The following VIPAS39 variants were observed in gnomAD, a reference collection of about 807,000 sequenced individuals.
VIPAS39 encodes the protein VPS33B interacting protein, apical-basolateral polarity regulator, spe-39 homolog, also known as spermatogenesis-defective protein 39 homolog.
A neutral mutation model predicts 84.7 loss-of-function variants in VIPAS39; 63 were observed. The observed-to-expected ratio is 0.74, with a 90% CI of 0.61 to 0.92. The LOEUF is 0.92. Among genes scored for constraint, VIPAS39 ranks in the 40% least tolerant of loss-of-function variants. The pLI, the probability that VIPAS39 is intolerant of heterozygous loss-of-function variation, is 0.00. For missense variants in VIPAS39, 499 were observed against 604.5 expected, an observed-to-expected ratio of 0.83 and a Z score of 1.83; for synonymous variants, 192 against 216.5, an observed-to-expected ratio of 0.89 and a Z score of 0.99.
At chr14:77,442,692 A>C in intron 9 of VIPAS39, 30 bp from the exon 10 acceptor site, 1 of 1,600,552 alleles carries the variant, frequency 6.2e-7, no homozygotes, top group Non-Finnish European at 8.6e-7. Context: ...TAAGTTGAGA[A>C]AGATTAAAGC....
intron 16 of VIPAS39, 118 bp from the exon 17 acceptor site, chr14:77,429,885 G>A: frequency 1.1e-6 from 1 of 874,106 alleles, no homozygotes; most frequent in Admixed American, 1.7e-5. Context: ...GGTGCTGAGG[G>A]ATACAGAAAT....
intron 3 of VIPAS39, among the ~76,000 whole-genome samples, chr14:77,451,737 A>G (rs1230793254): frequency 6.6e-6 from 1 of 152,152 alleles, no homozygotes; most frequent in Non-Finnish European, 1.5e-5. Context: ...AGAGGCACAC[A>G]CCACCTGCCC....
At chr14:77,436,745 A>G (rs554503344) in intron 12 of VIPAS39, among the ~76,000 whole-genome samples, 6 of 152,236 alleles carry the variant, frequency 3.9e-5, no homozygotes, top group Non-Finnish European at 5.9e-5. Flanking sequence ...GCCCGGCCAC[A>G]TTATTGTTAT....
At position 77,427,450 on chromosome 14, in the gene VIPAS39, G is replaced by C. The variant is rs2078446985; in HGVS notation, c.*166C>G. ...TCTCGATCCTCAGATGATGTTCCTTGGACAGAAGATCAGTCTGAAGTTATC... is the reference window on the plus strand; with the variant it reads ...TCTCGATCCTCAGATGATGTTCCTTCGACAGAAGATCAGTCTGAAGTTATC... On this transcript the variant is annotated 3_prime_UTR_variant, in exon 20 of 20. Transcript: ENST00000557658. The C allele has an allele frequency of 5.4e-6, 4 of 746,996 alleles. No individual in the cohort carries two copies. Among genetic ancestry groups the C allele is most frequent in the African/African-American group, 1.8e-5 (1 of 57,104 alleles). 46.3% of individuals were successfully genotyped at this position (746,996 alleles called of 1,614,324 possible). A position where few individuals can be genotyped will look rare whatever the true frequency, so the allele number is the denominator to read the frequency against.
intron 7 of VIPAS39, 53 bp downstream of exon 7, chr14:77,448,441 T>C: frequency 1.3e-6 from 2 of 1,549,742 alleles, no homozygotes. Context: ...CTTCCCTGTG[T>C]GAACAAGCTG....
In VIPAS39 at chr14:77,448,593, C is replaced by T. The variant is rs376475220; in HGVS notation, c.448-43G>A. 36 of 1,601,580 alleles carry T rather than the reference C, an allele frequency of 2.2e-5. No individual in the cohort carries two copies. In the African/African-American group the frequency reaches 4.7e-4, roughly 21 times the overall value. The stretch of plus-strand genomic sequence containing the variant: ...CGTGAATCCCAGGAAGTTAAGGAAT[C>T]AAATTTATCAGCATACCCGCTCCTC... On this transcript the variant is annotated intron_variant, in intron 6 of 19. Transcript: ENST00000557658.
At chr14:77,456,165 G>C (rs759377402) in intron 1 of VIPAS39, among the ~76,000 whole-genome samples, 1 of 151,992 alleles carries the variant, frequency 6.6e-6, no homozygotes. Flanking sequence ...TGGTTTTCCC[G>C]TCTGTTAAAT....
At chr14:77,451,501 C>G (rs1474335520) in intron 3 of VIPAS39, among the ~76,000 whole-genome samples, 168 bp from the exon 4 acceptor site, 1 of 152,162 alleles carries the variant, frequency 6.6e-6, no homozygotes, top group East Asian at 1.9e-4. Context: ...AAAAATGGAC[C>G]AAGGACATGA....
chr14:77,429,855 TA>T, intron 16 of VIPAS39, 88 bp from the exon 17 acceptor site: 1 of 1,188,172 alleles, frequency 8.4e-7, no homozygotes, highest in Non-Finnish European at 1.3e-6. Flanking sequence ...CAGACCAGAA[TA>T]ATGTGGTGGG....
intron 7 of VIPAS39, among the ~76,000 whole-genome samples, chr14:77,447,885 C>T (rs901620555): frequency 1.3e-5 from 2 of 151,396 alleles, no homozygotes; most frequent in Non-Finnish European, 2.9e-5. Flanking sequence ...TGGTCTAGAA[C>T]TCCTGACCTC....
chr14:77,442,486 A>G, intron 10 of VIPAS39, 74 bp downstream of exon 10: 1 of 1,304,020 alleles, frequency 7.7e-7, no homozygotes, highest in Non-Finnish European at 1.1e-6. Context: ...GGCGTCTTCT[A>G]TTCCTTTGTA....
Position 77,427,396 on chromosome 14 carries a change from G to A in VIPAS39, c.*220C>T, listed in dbSNP as rs1445662839. The A allele has an allele frequency of 5.0e-6, 3 of 599,422 alleles. No homozygotes were observed. The allele number at this position is 599,422 out of a possible 1,614,324, so 37.1% of individuals were successfully genotyped here. ...CCTTCATATGAGCACCAGGTGGAGA[G>A]AATCATTCTCATGACTCAAAGCTTT... On this transcript the variant is annotated 3_prime_UTR_variant, in exon 20 of 20. Transcript: ENST00000557658.
In VIPAS39 at chr14:77,435,846, C is replaced by T; in HGVS notation, c.910G>A (p.Glu304Lys). Reference sequence around the variant, plus strand: ...GATATAGAGATGAAGAGTCTAACCTCAATAATGATCTGACGTTCCAGGAGC... The same window carrying T: ...GATATAGAGATGAAGAGTCTAACCTTAATAATGATCTGACGTTCCAGGAGC... ...YTLLERQIII[E>K]ANDRHLESAG... is the part of the protein sequence containing the mutation. Residue 304 changes from glutamate to lysine, a missense_variant and splice_region_variant, in exon 13 of 20, where the codon GAG becomes AAG. Transcript: ENST00000557658. 2 of 1,614,106 alleles carry T rather than the reference C, an allele frequency of 1.2e-6. No individual in the cohort carries two copies. Among genetic ancestry groups the T allele is most frequent in the Non-Finnish European group, 1.7e-6 (2 of 1,180,000 alleles).
rs529888163 is a variant in VIPAS39, at chr14:77,427,667, G to C, written c.1462-31C>G. 24 of 1,614,086 alleles carry C rather than the reference G, an allele frequency of 1.5e-5. No individual in the cohort carries two copies. The South Asian group carries it at 1.8e-4, about 12-fold the overall frequency. On this transcript the variant is annotated intron_variant, in intron 19 of 19. Coordinates refer to ENST00000557658, the MANE Select transcript of VIPAS39 (RefSeq NM_001193315.2). Reference sequence around the variant, plus strand: ...GAAAGAGGAAACAATGAAAGTGTGTGATCAGTTTTCACTTATCCCTACAGC... The same window carrying C: ...GAAAGAGGAAACAATGAAAGTGTGTCATCAGTTTTCACTTATCCCTACAGC...
chr14:77,454,669 C>G (rs1204760104), intron 1 of VIPAS39, among the ~76,000 whole-genome samples: 2 of 91,722 alleles, frequency 2.2e-5, no homozygotes, highest in African/African-American at 4.0e-5. Context: ...AGCGAAACTC[C>G]GTCTCCAAAA....
chr14:77,427,696 G>T, intron 19 of VIPAS39, 60 bp from the exon 20 acceptor site: 1 of 1,607,280 alleles, frequency 6.2e-7, no homozygotes, highest in South Asian at 1.1e-5. Context: ...CTACAGCAAG[G>T]CAGAGAAAAT....
intron 14 of VIPAS39, 66 bp downstream of exon 14, chr14:77,435,193 C>T (rs1413936449): frequency 1.2e-6 from 2 of 1,607,624 alleles, no homozygotes; most frequent in Admixed American, 3.3e-5. Context: ...CATAAAAGTA[C>T]TGGATTTGAA....
chr14:77,428,170 A>AC (rs2078460147), intron 19 of VIPAS39, among the ~76,000 whole-genome samples, 200 bp downstream of exon 19: 1 of 152,010 alleles, frequency 6.6e-6, no homozygotes, highest in Non-Finnish European at 1.5e-5. Context: ...TCCCCAGATT[A>AC]CCCCCCTATC....
intron 3 of VIPAS39, among the ~76,000 whole-genome samples, chr14:77,451,545 C>T: frequency 6.6e-6 from 1 of 152,154 alleles, no homozygotes; most frequent in East Asian, 1.9e-4. Context: ...AATGGCTCTT[C>T]AACATATGAA....
Sources: gnomAD v4.1 joint callset for allele counts (sites outside exome capture counted in the v4.1 genomes callset) on GRCh38, gnomAD v4.1.1 for gene constraint, MANE v1.5 for transcripts, NCBI Gene and HGNC (gene_info 2026-07-23, HGNC 2026-07-21) for gene names.